Variants in RGS17 observed in about 807,000 individuals in gnomAD.
RGS17 encodes the protein regulator of G protein signaling 17.
In RGS17, 12 loss-of-function variants were observed where a neutral mutation model predicts 25.5. The observed-to-expected ratio is 0.47, with a 90% confidence interval of 0.30 to 0.76. The LOEUF (loss-of-function observed/expected upper bound fraction) is 0.76, where lower values mean the gene tolerates loss of function less well. Ranked by LOEUF, RGS17 falls within the 30% of genes least tolerant of loss-of-function variation. The pLI is 0.07. For missense variants in RGS17, 196 were observed against 242.2 expected, an observed-to-expected ratio of 0.81 and a Z score of 1.27; for synonymous variants, 71 against 76.9, an observed-to-expected ratio of 0.92 and a Z score of 0.40.
At chr6:153,127,526 T>A (rs773203809) in intron 1 of RGS17, among the ~76,000 whole-genome samples, 2 of 152,122 alleles carry the variant, frequency 1.3e-5, no homozygotes, top group Non-Finnish European at 2.9e-5. Context: ...CAGGACAGAT[T>A]AGTAACTTGC....
chr6:153,094,302 C>T (rs1418389643), intron 1 of RGS17, among the ~76,000 whole-genome samples: 2 of 152,020 alleles, frequency 1.3e-5, no homozygotes, highest in African/African-American at 4.8e-5. Flanking sequence ...TGGTTTTGAA[C>T]TCCTGGGCTC....
intron 2 of RGS17, among the ~76,000 whole-genome samples, chr6:153,032,946 G>A (rs1051892137): frequency 6.6e-6 from 1 of 152,116 alleles, no homozygotes; most frequent in Non-Finnish European, 1.5e-5. Flanking sequence ...TTAGAAAAGG[G>A]TTTTAACTAC....
intron 1 of RGS17, among the ~76,000 whole-genome samples, chr6:153,105,595 T>C (rs1428445065): frequency 6.6e-6 from 1 of 151,908 alleles, no homozygotes; most frequent in African/African-American, 2.4e-5. Flanking sequence ...GACAGTTTAA[T>C]TTAAAAAAAT....
At chr6:153,020,859 G>C (rs183485738) in intron 4 of RGS17, among the ~76,000 whole-genome samples, 2 of 152,302 alleles carry the variant, frequency 1.3e-5, no homozygotes, top group Admixed American at 1.3e-4. Context: ...ACTCAGATTG[G>C]TATTAACTGC....
At chr6:153,107,600 T>A (rs1004962312) in intron 1 of RGS17, among the ~76,000 whole-genome samples, 1 of 152,120 alleles carries the variant, frequency 6.6e-6, no homozygotes, top group Non-Finnish European at 1.5e-5. Flanking sequence ...TTATCTATTA[T>A]ATTGGGGACT....
chr6:153,071,695 A>G (rs1451406140), intron 1 of RGS17, among the ~76,000 whole-genome samples: 2 of 152,144 alleles, frequency 1.3e-5, no homozygotes, highest in African/African-American at 4.8e-5. Flanking sequence ...ATAATAACCA[A>G]TAACAACTGT....
chr6:153,122,067 A>G (rs532005059), intron 1 of RGS17, among the ~76,000 whole-genome samples: 2 of 152,282 alleles, frequency 1.3e-5, no homozygotes, highest in Admixed American at 1.3e-4. Context: ...ATTATACTTT[A>G]AGATATAATG....
At chr6:153,128,195 G>A (rs546445603) in intron 1 of RGS17, among the ~76,000 whole-genome samples, 10 of 152,232 alleles carry the variant, frequency 6.6e-5, no homozygotes, top group Non-Finnish European at 1.3e-4. Flanking sequence ...ATAATTTTAC[G>A]CCTCCACAAT....
intron 2 of RGS17, among the ~76,000 whole-genome samples, chr6:153,041,273 T>C (rs1776317964): frequency 6.6e-6 from 1 of 152,238 alleles, no homozygotes; most frequent in South Asian, 2.1e-4. Flanking sequence ...GTATATTTTA[T>C]GGCCTAGACT....
intron 2 of RGS17, among the ~76,000 whole-genome samples, chr6:153,035,412 A>AT (rs1158987466): frequency 2.6e-5 from 4 of 152,194 alleles, no homozygotes; most frequent in Admixed American, 2.0e-4. Context: ...AGAACAAGTA[A>AT]TTCTTGAATC....
At chr6:153,113,318 T>TA in intron 1 of RGS17, among the ~76,000 whole-genome samples, 1 of 151,534 alleles carries the variant, frequency 6.6e-6, no homozygotes, top group Non-Finnish European at 1.5e-5. Flanking sequence ...CCAACAAAAA[T>TA]AAAAAAAGAC....
At chr6:153,086,819 C>T (rs997555699) in intron 1 of RGS17, among the ~76,000 whole-genome samples, 29 of 152,290 alleles carry the variant, frequency 1.9e-4, no homozygotes, top group African/African-American at 6.0e-4. Context: ...TTAGCTTTCA[C>T]ATTATTATTC....
At chr6:153,020,383 G>A (rs961270554) in intron 4 of RGS17, among the ~76,000 whole-genome samples, 8 of 151,302 alleles carry the variant, frequency 5.3e-5, no homozygotes, top group South Asian at 2.1e-4. Context: ...TCGAATGCCC[G>A]ACCTTGTAAT....
intron 1 of RGS17, among the ~76,000 whole-genome samples, chr6:153,086,008 GTC>G (rs1349834178): frequency 6.6e-6 from 1 of 152,166 alleles, no homozygotes; most frequent in African/African-American, 2.4e-5. Flanking sequence ...ATCTGTGTAT[GTC>G]TGAGAGACAG....
In RGS17 at chr6:153,043,941, G is replaced by A. The variant is rs1584131209; in HGVS notation, c.78C>T (p.Asn26=). ...AACAGCACCAACAAAAGCAACAGGT[G>A]TTGTTGGGCCTCTGGTTTCCAGGAG... ...SQAPGNQRPN[N]TCCFCWCCCC... is the part of the protein sequence containing the mutation. Residue 26 remains asparagine, a synonymous_variant, in exon 2 of 5, where the codon AAC becomes AAT. Transcript: ENST00000206262. The A allele has an allele frequency of 6.2e-7, 1 of 1,612,454 alleles. No individual in the cohort carries two copies. The highest frequency in any genetic ancestry group is 2.2e-5 in the East Asian group (1 of 44,656).
At chr6:153,103,014 C>T (rs1394302701) in intron 1 of RGS17, among the ~76,000 whole-genome samples, 3 of 152,188 alleles carry the variant, frequency 2.0e-5, no homozygotes, top group Non-Finnish European at 4.4e-5. Context: ...TTACATCCAT[C>T]TCAGAATTTT....
intron 2 of RGS17, among the ~76,000 whole-genome samples, chr6:153,028,405 G>A (rs1479422542): frequency 6.6e-6 from 1 of 152,176 alleles, no homozygotes; most frequent in Non-Finnish European, 1.5e-5. Flanking sequence ...GGAATTCAGA[G>A]ACAGTGCATA....
intron 1 of RGS17, among the ~76,000 whole-genome samples, chr6:153,102,363 T>G (rs1777318842): frequency 6.6e-6 from 1 of 152,242 alleles, no homozygotes; most frequent in Non-Finnish European, 1.5e-5. Flanking sequence ...AGACTAGTTC[T>G]AGAGTTGTCA....
intron 3 of RGS17, among the ~76,000 whole-genome samples, chr6:153,025,273 T>C (rs962333600): frequency 1.9e-4 from 29 of 151,944 alleles, no homozygotes; most frequent in African/African-American, 6.8e-4. Flanking sequence ...TACCATCCCA[T>C]TGCACTCCTG....
Sources: gnomAD v4.1 joint callset for allele counts (sites outside exome capture counted in the v4.1 genomes callset) on GRCh38, gnomAD v4.1.1 for gene constraint, MANE v1.5 for transcripts, NCBI Gene and HGNC (gene_info 2026-07-23, HGNC 2026-07-21) for gene names.